The following TACC1 variants were observed in gnomAD, a reference collection of about 807,000 sequenced individuals.
The protein encoded by TACC1 is transforming acidic coiled-coil-containing protein 1.
A neutral mutation model predicts 84.4 loss-of-function variants in TACC1; 48 were observed. The ratio of observed to expected loss-of-function variants is 0.57; its 90% CI spans 0.45 to 0.72. TACC1 has a LOEUF of 0.72. TACC1 is among the 30% of genes least tolerant of loss of function. The probability of loss-of-function intolerance (pLI) is 0.00; values close to 1 mark genes in which losing one functional copy is unlikely to be tolerated. For synonymous variants in TACC1, 372 were observed against 376.3 expected (o/e 0.99, Z 0.13); for missense variants, 920 against 973.0 (o/e 0.95, Z 0.72).
At chr8:38,816,649 T>A (rs1439421895) in intron 2 of TACC1, among the ~76,000 whole-genome samples, 1 of 152,118 alleles carries the variant, frequency 6.6e-6, no homozygotes, top group African/African-American at 2.4e-5. Context: ...AGGATACAAC[T>A]CAGGAACTGT....
chr8:38,783,037 G>A (rs901338913), upstream of TACC1, among the ~76,000 whole-genome samples: 3 of 150,644 alleles, frequency 2.0e-5, no homozygotes. Flanking sequence ...TCACAGAACT[G>A]GCTCTTCAAT....
chr8:38,792,698 C>T (rs890839205), intron 2 of TACC1, among the ~76,000 whole-genome samples: 2 of 152,216 alleles, frequency 1.3e-5, no homozygotes, highest in African/African-American at 4.8e-5. Context: ...ATCTCCTGAC[C>T]TCGTGATCCG....
intron 3 of TACC1, chr8:38,823,952 C>G (rs933237606): frequency 1.5e-6 from 2 of 1,342,122 alleles, no homozygotes; most frequent in Non-Finnish European, 2.0e-6. Flanking sequence ...CTCCATCTGT[C>G]TGTCTCTTTC....
At chr8:38,817,122 A>G (rs1825605739) in intron 2 of TACC1, among the ~76,000 whole-genome samples, 1 of 152,230 alleles carries the variant, frequency 6.6e-6, no homozygotes. Flanking sequence ...TGAATCTAAA[A>G]AGCTGACAAT....
Position 38,755,910 on chromosome 8 carries a change from G to A in TACC1, c.26+10417G>A, listed in dbSNP as rs539044960. On this transcript the variant is annotated intron_variant, in intron 3 of 14. Transcript: ENST00000518415. Reference sequence around the variant, plus strand: ...GCTCACTGCAACCTCCACTTCCTGGGTTCAAGCGATTCTCCTGCCTCAGCC... The same window carrying A: ...GCTCACTGCAACCTCCACTTCCTGGATTCAAGCGATTCTCCTGCCTCAGCC... 2.1e-4 allele frequency among the ~76,000 whole-genome samples: 32 copies of A among 151,806 alleles called. 1 individual carries two copies. The highest frequency in any genetic ancestry group is 4.1e-4 in the Non-Finnish European group (28 of 67,950).
At chr8:38,808,540 A>G (rs1237220779) in intron 2 of TACC1, among the ~76,000 whole-genome samples, 1 of 152,200 alleles carries the variant, frequency 6.6e-6, no homozygotes, top group African/African-American at 2.4e-5. Flanking sequence ...AGCCTCCTGA[A>G]TAGCTGGAAC....
intron 11 of TACC1, among the ~76,000 whole-genome samples, chr8:38,845,991 G>T (rs952874833): frequency 2.0e-5 from 3 of 151,868 alleles, no homozygotes; most frequent in Non-Finnish European, 4.4e-5. Flanking sequence ...GACATTTATG[G>T]TTTTTAAGAA....
intron 3 of TACC1, among the ~76,000 whole-genome samples, chr8:38,774,888 G>A (rs148972771): frequency 0.035 from 5,241 of 151,820 alleles, 300 homozygotes; most frequent in African/African-American, 0.12. Flanking sequence ...GCACATGCAT[G>A]TAATCCCAGC....
intron 3 of TACC1, among the ~76,000 whole-genome samples, chr8:38,749,879 C>T (rs551424270): frequency 2.7e-4 from 41 of 152,180 alleles, no homozygotes; most frequent in Admixed American, 2.4e-3. Flanking sequence ...TGTAAGCCAC[C>T]GCGCCTGGCC....
At chr8:38,761,309 G>A (rs551417372) in intron 3 of TACC1, among the ~76,000 whole-genome samples, 1 of 100,542 alleles carries the variant, frequency 9.9e-6, no homozygotes, top group Non-Finnish European at 2.3e-5. Context: ...TTGTTGTTTA[G>A]CTTCTCTGCC....
At chr8:38,802,913 A>G (rs1364878454) in intron 2 of TACC1, among the ~76,000 whole-genome samples, 2 of 152,224 alleles carry the variant, frequency 1.3e-5, no homozygotes, top group East Asian at 3.8e-4. Context: ...GACACCTCCC[A>G]CTAGGCCTCA....
chr8:38,781,502 C>T (rs992831733), intron 3 of TACC1, among the ~76,000 whole-genome samples: 2 of 151,790 alleles, frequency 1.3e-5, no homozygotes, highest in Non-Finnish European at 2.9e-5. Flanking sequence ...TTGTGTCAGC[C>T]GTCTGAGTAG....
chr8:38,763,512 G>A (rs1194344640), intron 3 of TACC1, among the ~76,000 whole-genome samples: 1 of 152,122 alleles, frequency 6.6e-6, no homozygotes, highest in Non-Finnish European at 1.5e-5. Context: ...GATTTTAGGA[G>A]TTGCATGCCA....
Position 38,757,170 on chromosome 8 carries a change from T to A in TACC1, c.26+11677T>A, listed in dbSNP as rs574239968. On this transcript the variant is annotated intron_variant, in intron 3 of 14. Coordinates refer to the TACC1 transcript ENST00000518415. ...GTTGGCGGCATCTGAAGCCACCTCC[T>A]TCCCCGCTTTCCCAGCGGCGGGGAC... 920 of 914,808 alleles carry A rather than the reference T, an allele frequency of 1.0e-3. 24 individuals are homozygous for A. The South Asian group carries it at 0.018, about 18-fold the overall frequency. The allele number at this position is 914,808 out of a possible 1,614,324, so 56.7% of individuals were successfully genotyped here. A position where few individuals can be genotyped will look rare whatever the true frequency, so the allele number is the denominator to read the frequency against.
chr8:38,777,290 C>T lies in TACC1; in HGVS notation c.27-11414C>T, dbSNP rs926725793. On this transcript the variant is annotated intron_variant, in intron 3 of 14. Coordinates refer to the TACC1 transcript ENST00000518415. ...AAAAAAAGAGAAGATAGACTTTTCT[C>T]TCTCATGGAACAGTCCTCAGGCAGC... 3.0e-4 allele frequency among the ~76,000 whole-genome samples: 45 copies of T among 151,518 alleles called. No individual in the cohort carries two copies. The Middle Eastern group carries it at 0.01, about 35-fold the overall frequency.
At chr8:38,808,240 A>G (rs1823221497) in intron 2 of TACC1, among the ~76,000 whole-genome samples, 1 of 152,222 alleles carries the variant, frequency 6.6e-6, no homozygotes, top group South Asian at 2.1e-4. Flanking sequence ...GGAAAGGCAC[A>G]TGAAGGTAGG....
In TACC1 at chr8:38,849,445, G is replaced by A. The variant is rs1265665638; in HGVS notation, c.*1422G>A. The A allele has an allele frequency of 1.3e-5, 2 of 152,180 alleles. No individual in the cohort carries two copies. The highest frequency in any genetic ancestry group is 2.4e-5 in the African/African-American group (1 of 41,446). The allele number at this position is 152,180 out of a possible 1,614,324, so 9.4% of individuals were successfully genotyped here. ...TGCAAGTGTTTTAAAGCACTGTCCT[G>A]TCTTAATCTTACATGCTGAAAGTCT... is the stretch of plus-strand genomic sequence containing the variant. On this transcript the variant is annotated 3_prime_UTR_variant, in exon 13 of 13. Coordinates refer to ENST00000317827, the MANE Select transcript of TACC1 (RefSeq NM_006283.3).
intron 2 of TACC1, among the ~76,000 whole-genome samples, chr8:38,792,175 T>C (rs1306593451): frequency 6.6e-6 from 1 of 152,266 alleles, no homozygotes; most frequent in Non-Finnish European, 1.5e-5. Flanking sequence ...TCTGTCTGTT[T>C]TCTCCCACTA....
chr8:38,788,524 C>A, intron 1 of TACC1, 180 bp from the exon 2 acceptor site: 1 of 516,430 alleles, frequency 1.9e-6, no homozygotes, highest in East Asian at 3.2e-5. Context: ...CCTGAGAAAC[C>A]CAAGGAGGGC....
Sources: gnomAD v4.1 joint callset for allele counts (sites outside exome capture counted in the v4.1 genomes callset) on GRCh38, gnomAD v4.1.1 for gene constraint, MANE v1.5 for transcripts, NCBI Gene and HGNC (gene_info 2026-07-23, HGNC 2026-07-21) for gene names.